The following FMN1 variants were observed in gnomAD, a reference collection of about 807,000 sequenced individuals.
The protein encoded by FMN1 is formin-1.
Under a neutral mutation model 132.4 loss-of-function variants are expected in FMN1, and 110 were observed. The ratio of observed to expected loss-of-function variants is 0.83; its 90% confidence interval spans 0.71 to 0.97. The LOEUF is 0.97. FMN1 is among the 50% of genes least tolerant of loss of function. FMN1 has a pLI of 0.00. For synonymous variants in FMN1, 722 were observed against 651.7 expected (o/e 1.11, Z -1.64); for missense variants, 1,792 against 1,705.3 (o/e 1.05, Z -0.90).
intron 19 of FMN1, among the ~76,000 whole-genome samples, chr15:32,790,768 TTCAATGCTCTTTCAATA>T (rs1163076453): frequency 2.6e-5 from 4 of 152,232 alleles, no homozygotes; most frequent in Non-Finnish European, 4.4e-5. Context: ...AGCCAAGATC[TTCAATGCTCTTTCAATA>T]TCCAGCTGTG....
At chr15:33,125,176 C>A (rs1962934764) in intron 4 of FMN1, among the ~76,000 whole-genome samples, 1 of 152,168 alleles carries the variant, frequency 6.6e-6, no homozygotes, top group South Asian at 2.1e-4. Flanking sequence ...TGATCCATCA[C>A]TTACTGTGAA....
intron 17 of FMN1, among the ~76,000 whole-genome samples, chr15:32,831,744 CTTTTT>C (rs200268378): frequency 7.1e-6 from 1 of 141,246 alleles, no homozygotes; most frequent in Non-Finnish European, 1.5e-5. Flanking sequence ...AGAATGCAGC[CTTTTT>C]TTTTTTTTTT....
intron 16 of FMN1, among the ~76,000 whole-genome samples, chr15:32,878,169 C>CT (rs2059682376): frequency 6.6e-6 from 1 of 152,132 alleles, no homozygotes; most frequent in Non-Finnish European, 1.5e-5. Flanking sequence ...GAGGGACCCA[C>CT]TACTGCAATG....
chr15:32,786,964 T>C (rs2056900434), intron 19 of FMN1, among the ~76,000 whole-genome samples: 2 of 152,192 alleles, frequency 1.3e-5, no homozygotes, highest in Non-Finnish European at 2.9e-5. Flanking sequence ...CGGGCTAATG[T>C]CCAACTTTGA....
intron 6 of FMN1, among the ~76,000 whole-genome samples, chr15:33,018,375 G>C (rs1189242882): frequency 6.6e-6 from 1 of 152,054 alleles, no homozygotes; most frequent in Non-Finnish European, 1.5e-5. Context: ...TAGAGGGTTG[G>C]GACTTTCAGT....
At chr15:33,152,048 G>T (rs963880896) in intron 4 of FMN1, among the ~76,000 whole-genome samples, 2 of 152,082 alleles carry the variant, frequency 1.3e-5, no homozygotes, top group Non-Finnish European at 2.9e-5. Flanking sequence ...CTTGATGTTT[G>T]CTCTAACCTG....
At chr15:32,901,146 C>T (rs1000869600) in intron 13 of FMN1, among the ~76,000 whole-genome samples, 1 of 151,536 alleles carries the variant, frequency 6.6e-6, no homozygotes, top group Admixed American at 6.6e-5. Flanking sequence ...AAGAATGAGA[C>T]TCCGTCTCAA....
intron 7 of FMN1, among the ~76,000 whole-genome samples, chr15:32,999,662 G>A (rs549928059): frequency 2.0e-5 from 3 of 152,244 alleles, no homozygotes; most frequent in South Asian, 4.1e-4. Context: ...TGGGGTAAAC[G>A]AAAAAGATTC....
In FMN1 at chr15:33,099,567, AC is replaced by A. The variant is rs2039215953; in HGVS notation, c.1868-10594del. Among the ~76,000 whole-genome samples the A allele has an allele frequency of 5.3e-5, 8 of 152,298 alleles. No individual in the cohort carries two copies. The South Asian group carries it at 1.7e-3, about 32-fold the overall frequency. On this transcript the variant is annotated intron_variant, in intron 4 of 20. Coordinates refer to ENST00000616417, the MANE Select transcript of FMN1 (RefSeq NM_001277313.2). ...GAAAGAGAATAGGAAAATTGTCATAACCCTAAAAGAAGACAGTGATGGTACA... is the reference window on the plus strand; with the variant it reads ...GAAAGAGAATAGGAAAATTGTCATAACCTAAAAGAAGACAGTGATGGTACA...
intron 17 of FMN1, among the ~76,000 whole-genome samples, chr15:32,816,351 T>C (rs1450822810): frequency 2.0e-5 from 3 of 152,178 alleles, no homozygotes; most frequent in African/African-American, 7.2e-5. Flanking sequence ...CGTCAAAAGG[T>C]ATATCACACA....
At chr15:33,072,850 G>A (rs1208392786) in intron 5 of FMN1, among the ~76,000 whole-genome samples, 1 of 151,368 alleles carries the variant, frequency 6.6e-6, no homozygotes, top group Non-Finnish European at 1.5e-5. Flanking sequence ...TTGAACCCAT[G>A]AGGTGGAGGC....
chr15:33,048,274 T>C (rs2036783652), intron 6 of FMN1, among the ~76,000 whole-genome samples: 2 of 152,092 alleles, frequency 1.3e-5, no homozygotes, highest in South Asian at 4.2e-4. Context: ...CCTGGGGACA[T>C]GTGGAATTAG....
rs572153424 is a variant in FMN1, at chr15:32,817,288, G to A, written c.3929-12956C>T. ...TAAATCAATCTTCTTTTAAAACCCT[G>A]GCAAAGGCTAAATGTACTTAGGAAA... On this transcript the variant is annotated intron_variant, in intron 17 of 20. Transcript: ENST00000616417. Among the ~76,000 whole-genome samples, 3 of 152,234 alleles carry A rather than the reference G, an allele frequency of 2.0e-5. No homozygotes were observed. In the South Asian group the frequency reaches 6.2e-4, roughly 32 times the overall value.
At chr15:32,997,511 C>T (rs1434924549) in intron 7 of FMN1, among the ~76,000 whole-genome samples, 1 of 152,182 alleles carries the variant, frequency 6.6e-6, no homozygotes, top group East Asian at 1.9e-4. Flanking sequence ...TACTGACCAG[C>T]TGTGAAAGCT....
rs2035183236 is a variant in FMN1, at chr15:33,018,202, C to CA, written c.2162-10128dup. Among the ~76,000 whole-genome samples the CA allele has an allele frequency of 2.6e-5, 4 of 152,248 alleles. 1 individual carries two copies. Among genetic ancestry groups the CA allele is most frequent in the African/African-American group, 9.6e-5 (4 of 41,542 alleles). Reference sequence around the variant, plus strand: ...CATGAGATTAGTGTGTGTGATACTGCAAAATATGTATTTGGCCCTTGACCC... The same window carrying CA: ...CATGAGATTAGTGTGTGTGATACTGCAAAAATATGTATTTGGCCCTTGACCC... On this transcript the variant is annotated intron_variant, in intron 6 of 20. Transcript: ENST00000616417.
rs545043187 is a variant in FMN1, at chr15:32,930,020, C to T, written c.3139-3759G>A. The stretch of plus-strand genomic sequence containing the variant: ...TTTTTTTTTTTTTGAGCTGGAGTCT[C>T]GTTCTGTCATCTAGGCTGGAGTGCA... On this transcript the variant is annotated intron_variant, in intron 9 of 20. Coordinates refer to ENST00000616417, the MANE Select transcript of FMN1 (RefSeq NM_001277313.2). Among the ~76,000 whole-genome samples the T allele has an allele frequency of 1.9e-4, 20 of 103,726 alleles. No individual in the cohort carries two copies. In the Admixed American group the frequency reaches 1.9e-3, roughly 10 times the overall value. The allele number at this position is 103,726 out of a possible 152,430, so 68.0% of individuals were successfully genotyped here.
At chr15:32,865,999 A>G (rs575023398) in intron 16 of FMN1, among the ~76,000 whole-genome samples, 4 of 152,240 alleles carry the variant, frequency 2.6e-5, no homozygotes, top group Admixed American at 1.3e-4. Flanking sequence ...CTATGTATAT[A>G]TATTTACACA....
intron 9 of FMN1, among the ~76,000 whole-genome samples, chr15:32,948,955 C>A (rs1432891573): frequency 6.6e-6 from 1 of 151,640 alleles, no homozygotes; most frequent in Non-Finnish European, 1.5e-5. Flanking sequence ...CTTTTAATTT[C>A]TTTGATTTTT....
At position 32,901,942 on chromosome 15, in the gene FMN1, C is replaced by G; in HGVS notation, c.3476G>C (p.Arg1159Thr). 1 of 1,612,756 alleles carries G rather than the reference C, an allele frequency of 6.2e-7. No homozygotes were observed. The highest frequency in any genetic ancestry group is 8.5e-7 in the Non-Finnish European group (1 of 1,179,448). Residue 1159 changes from arginine (R) to threonine (T), a missense_variant, in exon 13 of 21, where the codon AGA becomes ACA. Physicochemically the swap from Arg to Thr is moderately conservative, Grantham distance 71. Around this residue, in one of 3 missense-constraint regions of FMN1, gnomAD observed 1,150 missense variants for 1,043.1 expected, o/e 1.10. Transcript: ENST00000616417. ...AGCTCGCGTGATGATCTCTACCTTTCTGTGCAAGGAGGTGATACCCTCAGA... is the reference window on the plus strand; with the variant it reads ...AGCTCGCGTGATGATCTCTACCTTTGTGTGCAAGGAGGTGATACCCTCAGA... ...VFSEGITSLH[R>T]KVEIITRASK...
Sources: allele counts gnomAD v4.1 joint callset (sites outside exome capture counted in the v4.1 genomes callset), GRCh38; gene constraint gnomAD v4.1.1; regional missense constraint gnomAD v4.1.1; transcripts MANE v1.5; gene names NCBI Gene and HGNC (gene_info 2026-07-23, HGNC 2026-07-21).